ODAD2: variants seen among roughly 807,000 people sequenced by gnomAD.
ODAD2 encodes outer dynein arm-docking complex subunit 2.
In ODAD2, 89 loss-of-function variants were observed where a neutral mutation model predicts 106.8. The observed-to-expected ratio is 0.83, with a 90% CI of 0.70 to 0.99. The LOEUF (loss-of-function observed/expected upper bound fraction) is 0.99, where lower values mean the gene tolerates loss of function less well. Ranked by LOEUF, ODAD2 falls within the 50% of genes least tolerant of loss-of-function variation. The pLI is 0.00. For synonymous variants in ODAD2, 404 were observed against 436.2 expected (o/e 0.93, Z 0.92); for missense variants, 1,168 against 1,238.5 (o/e 0.94, Z 0.85).
intron 19 of ODAD2, among the ~76,000 whole-genome samples, chr10:27,829,084 G>A (rs1313445094): frequency 1.3e-5 from 2 of 151,926 alleles, no homozygotes; most frequent in African/African-American, 2.4e-5. Context: ...TTATCCAGAA[G>A]AGATGAAGCC....
intron 10 of ODAD2, among the ~76,000 whole-genome samples, chr10:27,956,385 T>C (rs1847735535): frequency 1.3e-5 from 2 of 152,260 alleles, no homozygotes; most frequent in South Asian, 4.1e-4. Context: ...GAAATGGCCC[T>C]GGGAATGAGC....
At chr10:27,885,506 T>A (rs1842016112) in intron 17 of ODAD2, among the ~76,000 whole-genome samples, 2 of 18,150 alleles carry the variant, frequency 1.1e-4, no homozygotes. Flanking sequence ...TGAGACTCCA[T>A]CTCAAAAAAA....
chr10:27,818,445 C>T (rs1397537564), intron 19 of ODAD2, among the ~76,000 whole-genome samples: 1 of 152,070 alleles, frequency 6.6e-6, no homozygotes, highest in Non-Finnish European at 1.5e-5. Context: ...AAAACTCTCC[C>T]AACAGTCAAT....
chr10:27,974,821 T>C (rs552404837), intron 7 of ODAD2, among the ~76,000 whole-genome samples: 1 of 152,252 alleles, frequency 6.6e-6, no homozygotes, highest in Non-Finnish European at 1.5e-5. Flanking sequence ...ATCTATAAAT[T>C]GCTTTGGGCA....
chr10:27,832,843 C>G (rs1259514631), intron 19 of ODAD2, among the ~76,000 whole-genome samples: 1 of 152,148 alleles, frequency 6.6e-6, no homozygotes, highest in Non-Finnish European at 1.5e-5. Flanking sequence ...TCTTTTTCAG[C>G]ATATCATTTT....
intron 19 of ODAD2, among the ~76,000 whole-genome samples, chr10:27,816,311 A>T (rs1375723108): frequency 6.6e-6 from 1 of 152,214 alleles, no homozygotes; most frequent in Non-Finnish European, 1.5e-5. Flanking sequence ...ATAAGACAGG[A>T]TCAATCTTCT....
chr10:27,976,323 A>G (rs1255590606), intron 7 of ODAD2, among the ~76,000 whole-genome samples: 3 of 152,134 alleles, frequency 2.0e-5, no homozygotes, highest in African/African-American at 7.2e-5. Context: ...TAAGAAAATG[A>G]TCTTTACTCA....
chr10:27,830,991 C>T (rs991679194), intron 19 of ODAD2, among the ~76,000 whole-genome samples: 1 of 152,150 alleles, frequency 6.6e-6, no homozygotes, highest in Admixed American at 6.5e-5. Context: ...GGTAGAGATA[C>T]TGCTGATCAG....
intron 12 of ODAD2, among the ~76,000 whole-genome samples, chr10:27,942,919 T>C (rs902482675): frequency 1.3e-5 from 2 of 152,232 alleles, no homozygotes; most frequent in Admixed American, 1.3e-4. Context: ...AAACACAGAA[T>C]GTCTTTTGGA....
chr10:27,932,651 T>C (rs1029350027), intron 16 of ODAD2, among the ~76,000 whole-genome samples: 1 of 152,216 alleles, frequency 6.6e-6, no homozygotes, highest in Admixed American at 6.5e-5. Context: ...GATATGTTCA[T>C]GCAAGCTGCC....
intron 19 of ODAD2, among the ~76,000 whole-genome samples, chr10:27,849,678 C>G (rs1839095656): frequency 6.6e-6 from 1 of 152,128 alleles, no homozygotes; most frequent in South Asian, 2.1e-4. Context: ...GTATAAAATT[C>G]AAGATGAGAA....
Position 27,994,980 on chromosome 10 carries a change from C to T in ODAD2, c.163G>A (p.Glu55Lys), listed in dbSNP as rs765720743. The change falls in exon 2 of 20, where the codon GAA becomes AAA. Residue 55 changes from glutamate to lysine, a missense_variant. Glu to Lys is a moderately conservative substitution (Grantham distance 56). This residue lies in a region of ODAD2 where 430 missense variants were observed against 452.2 expected (regional missense o/e 0.95). Transcript: ENST00000305242. ...AAACTTGTGTTCCATTCAAGTGGTT[C>T]CACAAAAACAAATTTTGCCTCTTGA... The part of the protein sequence containing the change: ...HPQEAKFVFV[E>K]PLEWNTSLAP... 4 of 1,614,156 alleles carry T rather than the reference C, an allele frequency of 2.5e-6. No individual in the cohort carries two copies. The South Asian group carries it at 4.4e-5, about 18-fold the overall frequency.
At chr10:27,860,127 T>C (rs1216212092) in intron 19 of ODAD2, among the ~76,000 whole-genome samples, 1 of 152,148 alleles carries the variant, frequency 6.6e-6, no homozygotes, top group African/African-American at 2.4e-5. Flanking sequence ...AAAAATTCTA[T>C]CTCCATACAA....
chr10:27,984,161 A>G, intron 5 of ODAD2, 23 bp downstream of exon 5: 1 of 1,562,820 alleles, frequency 6.4e-7, no homozygotes, highest in Non-Finnish European at 8.8e-7. Context: ...ATAACATAAA[A>G]TGAGCCTGAG....
intron 19 of ODAD2, 33 bp downstream of exon 19, chr10:27,860,592 C>T: frequency 1.3e-6 from 2 of 1,597,908 alleles, no homozygotes; most frequent in Non-Finnish European, 1.7e-6. Context: ...ATTTACCAAA[C>T]TTGGACTAAA....
intron 10 of ODAD2, chr10:27,959,074 T>G: frequency 1.7e-6 from 2 of 1,191,180 alleles, no homozygotes; most frequent in East Asian, 5.8e-5. Context: ...TAGAGGCTCA[T>G]GCCTGTAATC....
intron 17 of ODAD2, among the ~76,000 whole-genome samples, chr10:27,873,882 C>A (rs986320807): frequency 6.6e-6 from 1 of 152,138 alleles, no homozygotes; most frequent in African/African-American, 2.4e-5. Context: ...CCACTTGGTG[C>A]AGAGCTGAGT....
rs1361045886 is a variant in ODAD2 at position 27,885,793 on chromosome 10, AAT to A, written c.2610+21868_2610+21869del. Among the ~76,000 whole-genome samples the A allele has an allele frequency of 9.0e-3, 473 of 52,652 alleles. 32 individuals are homozygous for A. Among genetic ancestry groups the A allele is most frequent in the Non-Finnish European group, 0.013 (381 of 29,906 alleles). The allele number at this position is 52,652 out of a possible 152,430, so 34.5% of individuals were successfully genotyped here. A position where few individuals can be genotyped will look rare whatever the true frequency, so the allele number is the denominator to read the frequency against. On this transcript the variant is annotated intron_variant, in intron 17 of 19. Coordinates refer to ENST00000305242, the MANE Select transcript of ODAD2 (RefSeq NM_018076.5). The stretch of plus-strand genomic sequence containing the variant: ...ATTATATAAAATATATATTATATAT[AAT>A]ATATATAAAATATATATTATATATA...
intron 19 of ODAD2, among the ~76,000 whole-genome samples, chr10:27,832,952 G>A (rs940724724): frequency 6.6e-6 from 1 of 152,210 alleles, no homozygotes; most frequent in Non-Finnish European, 1.5e-5. Flanking sequence ...TAAAGTCGAA[G>A]GATATATGAG....
Sources: allele counts gnomAD v4.1 joint callset (sites outside exome capture counted in the v4.1 genomes callset), GRCh38; gene constraint gnomAD v4.1.1; regional missense constraint gnomAD v4.1.1; transcripts MANE v1.5; gene names NCBI Gene and HGNC (gene_info 2026-07-23, HGNC 2026-07-21).